The following DNM3 variants were observed in gnomAD, a reference collection of about 807,000 sequenced individuals.
DNM3 encodes dynamin-3.
DNM3 carries 47 observed loss-of-function variants against 101.6 expected under a neutral mutation model. That is an observed-to-expected ratio of 0.46 (90% CI 0.37 to 0.59). The LOEUF is 0.59. DNM3 is among the 20% of genes least tolerant of loss of function. DNM3 has a pLI of 0.00. For missense variants in DNM3, 849 were observed against 1,085.7 expected (o/e 0.78, Z 3.06); for synonymous variants, 385 against 387.9 (o/e 0.99, Z 0.09).
intron 17 of DNM3, among the ~76,000 whole-genome samples, chr1:172,329,749 A>T (rs960715102): frequency 6.6e-6 from 1 of 152,196 alleles, no homozygotes; most frequent in African/African-American, 2.4e-5. Flanking sequence ...TCAGTTTATT[A>T]AAAAAGCTAA....
chr1:172,240,327 CCT>C (rs1260970213), intron 14 of DNM3, among the ~76,000 whole-genome samples: 1 of 152,078 alleles, frequency 6.6e-6, no homozygotes, highest in Non-Finnish European at 1.5e-5. Flanking sequence ...TGTTTCTTTG[CCT>C]CTTTTTGAGA....
intron 12 of DNM3, among the ~76,000 whole-genome samples, chr1:172,089,667 C>G (rs2053774288): frequency 6.6e-6 from 1 of 152,168 alleles, no homozygotes; most frequent in Non-Finnish European, 1.5e-5. Context: ...ATAGAGGCAA[C>G]TTAGTGTTTT....
Position 172,409,808 on chromosome 1 carries a change from A to T in DNM3, c.*1967A>T. On this transcript the variant is annotated 3_prime_UTR_variant, in exon 21 of 21. Coordinates refer to ENST00000627582, the MANE Select transcript of DNM3 (RefSeq NM_015569.5). ...AAAATAGGCAGCTAACGGATTATAT[A>T]CTTCAGGGTTTGGCTTTGTGCTAAA... 1 of 985,710 alleles carries T rather than the reference A, an allele frequency of 1.0e-6. No individual in the cohort carries two copies. Among genetic ancestry groups the T allele is most frequent in the Non-Finnish European group, 1.2e-6 (1 of 829,860 alleles). The allele number at this position is 985,710 out of a possible 1,614,324, so 61.1% of individuals were successfully genotyped here. A position where few individuals can be genotyped will look rare whatever the true frequency, so the allele number is the denominator to read the frequency against.
chr1:171,861,497 C>A (rs941931703), intron 1 of DNM3, among the ~76,000 whole-genome samples: 4 of 152,062 alleles, frequency 2.6e-5, no homozygotes, highest in Non-Finnish European at 5.9e-5. Flanking sequence ...GAAAGAGTAG[C>A]CTTTTCAACA....
In DNM3 at chr1:171,927,690, A is replaced by G. The variant is rs184668308; in HGVS notation, c.235+5869A>G. On this transcript the variant is annotated intron_variant, in intron 2 of 20. Coordinates refer to ENST00000627582, the MANE Select transcript of DNM3 (RefSeq NM_015569.5). ...ATGGAATACTATATGGCCTTAAAAA[A>G]GAACAAGATAATGTCTTTTGCAGGA... 3.4e-3 allele frequency among the ~76,000 whole-genome samples: 515 copies of G among 152,348 alleles called. 5 individuals carry two copies. The highest frequency in any genetic ancestry group is 0.012 in the African/African-American group (485 of 41,588).
intron 10 of DNM3, among the ~76,000 whole-genome samples, chr1:172,058,868 A>G (rs1036749770): frequency 2.3e-5 from 3 of 130,876 alleles, no homozygotes; most frequent in African/African-American, 9.3e-5. Flanking sequence ...AAGGAAATAG[A>G]GACAAAAAAA....
intron 1 of DNM3, among the ~76,000 whole-genome samples, chr1:171,881,307 T>C (rs963731014): frequency 3.3e-5 from 5 of 152,238 alleles, no homozygotes; most frequent in African/African-American, 1.2e-4. Flanking sequence ...TTTGTGATTA[T>C]GTTATTTAGT....
At chr1:171,881,957 A>AT (rs1396853162) in intron 1 of DNM3, among the ~76,000 whole-genome samples, 2 of 152,122 alleles carry the variant, frequency 1.3e-5, no homozygotes, top group African/African-American at 2.4e-5. Context: ...ATTATCAAAG[A>AT]TTTTTTCTTT....
chr1:171,988,297 T>C (rs1454624980), intron 3 of DNM3, among the ~76,000 whole-genome samples: 2 of 152,172 alleles, frequency 1.3e-5, no homozygotes, highest in Non-Finnish European at 1.5e-5. Flanking sequence ...ACTAAATTTT[T>C]AGTGGGCAAA....
At chr1:172,097,436 A>C (rs1370640543) in intron 13 of DNM3, among the ~76,000 whole-genome samples, 2 of 152,092 alleles carry the variant, frequency 1.3e-5, no homozygotes, top group South Asian at 4.1e-4. Context: ...TGCTGATTTC[A>C]ATTTTGAATA....
At chr1:172,390,089 C>T (rs1163382437) in intron 20 of DNM3, among the ~76,000 whole-genome samples, 1 of 152,112 alleles carries the variant, frequency 6.6e-6, no homozygotes, top group Non-Finnish European at 1.5e-5. Flanking sequence ...TCATTTTGGT[C>T]CTAAGCAAAG....
At chr1:172,313,596 T>C (rs914357600) in intron 16 of DNM3, among the ~76,000 whole-genome samples, 2 of 152,184 alleles carry the variant, frequency 1.3e-5, no homozygotes, top group African/African-American at 4.8e-5. Context: ...GAGCCTGCCA[T>C]TTACTAGCCA....
At chr1:172,381,340 T>C (rs1182225802) in intron 18 of DNM3, among the ~76,000 whole-genome samples, 2 of 152,062 alleles carry the variant, frequency 1.3e-5, no homozygotes, top group South Asian at 2.1e-4. Context: ...GAAAGTATCA[T>C]GTAGTGCTGA....
chr1:171,890,507 C>T (rs1182628553), intron 1 of DNM3, among the ~76,000 whole-genome samples: 1 of 152,198 alleles, frequency 6.6e-6, no homozygotes, highest in Admixed American at 6.5e-5. Context: ...AAAGTTCTAA[C>T]TAGCTACTTA....
In DNM3 at chr1:171,926,157, G is replaced by A. The variant is rs566451410; in HGVS notation, c.235+4336G>A. Among the ~76,000 whole-genome samples the A allele has an allele frequency of 2.3e-3, 349 of 152,114 alleles. 7 individuals carry two copies. The highest frequency in any genetic ancestry group is 7.5e-3 in the African/African-American group (311 of 41,546). Reference sequence around the variant, plus strand: ...TGAAGTTGGGTAATGTGATGCCTCTGGCTTTGTTCTTTTTGCTTAGGATTG... The same window carrying A: ...TGAAGTTGGGTAATGTGATGCCTCTAGCTTTGTTCTTTTTGCTTAGGATTG... On this transcript the variant is annotated intron_variant, in intron 2 of 20. Coordinates refer to ENST00000627582, the MANE Select transcript of DNM3 (RefSeq NM_015569.5).
chr1:172,012,907 A>C (rs2047219396), intron 4 of DNM3, among the ~76,000 whole-genome samples: 1 of 152,080 alleles, frequency 6.6e-6, no homozygotes, highest in Non-Finnish European at 1.5e-5. Flanking sequence ...AAAAAAAGAC[A>C]AAACTCTTCC....
At chr1:172,052,988 G>A (rs570194635) in intron 10 of DNM3, among the ~76,000 whole-genome samples, 71 of 152,176 alleles carry the variant, frequency 4.7e-4, no homozygotes, top group African/African-American at 1.6e-3. Flanking sequence ...CCCCCTAACT[G>A]ATCTATTTCT....
At chr1:171,938,314 G>T (rs78914022) in intron 2 of DNM3, among the ~76,000 whole-genome samples, 4 of 151,956 alleles carry the variant, frequency 2.6e-5, no homozygotes, top group Non-Finnish European at 5.9e-5. Flanking sequence ...CATAAACAGA[G>T]ATAAAAACTA....
chr1:172,305,043 T>A (rs902007659), intron 15 of DNM3, among the ~76,000 whole-genome samples: 2 of 152,052 alleles, frequency 1.3e-5, no homozygotes, highest in African/African-American at 4.8e-5. Context: ...AGAGCAGAAC[T>A]GAAGGCGATA....
Sources: allele counts gnomAD v4.1 joint callset (sites outside exome capture counted in the v4.1 genomes callset), GRCh38; gene constraint gnomAD v4.1.1; transcripts MANE v1.5; gene names NCBI Gene and HGNC (gene_info 2026-07-23, HGNC 2026-07-21).